Variants in SFXN5 observed in about 807,000 individuals in gnomAD.
SFXN5 encodes the protein sideroflexin 5.
In SFXN5, 43 loss-of-function variants were observed where a neutral mutation model predicts 50.2. The ratio of observed to expected loss-of-function variants is 0.86; its 90% confidence interval spans 0.67 to 1.11. SFXN5 has a LOEUF of 1.11. Among genes scored for constraint, SFXN5 ranks in the 50% least tolerant of loss-of-function variants. SFXN5 has a pLI of 0.00. For missense variants in SFXN5, 463 were observed against 454.1 expected, an observed-to-expected ratio of 1.02 and a Z score of -0.18; for synonymous variants, 203 against 185.8, an observed-to-expected ratio of 1.09 and a Z score of -0.75.
intron 5 of SFXN5, among the ~76,000 whole-genome samples, chr2:73,021,264 C>G (rs186612090): frequency 1.3e-5 from 2 of 152,144 alleles, no homozygotes; most frequent in Non-Finnish European, 2.9e-5. Flanking sequence ...AGGCGGATCA[C>G]TTGAGGTCAG....
Position 73,001,589 on chromosome 2 carries a change from GA to G in SFXN5, c.358-12del. The G allele has an allele frequency of 1.2e-6, 2 of 1,614,040 alleles. No homozygotes were observed. The highest frequency in any genetic ancestry group is 1.7e-6 in the Non-Finnish European group (2 of 1,179,932). On this transcript the variant is annotated splice_polypyrimidine_tract_variant and intron_variant, in intron 6 of 13. Transcript: ENST00000272433. ...GAGAAGACCGACTACCTATGAGCAA[GA>G]GAGAAGAAATGCTGAAAAAGGCAGA...
At chr2:72,991,735 T>A (rs922694987) in intron 9 of SFXN5, among the ~76,000 whole-genome samples, 2 of 152,248 alleles carry the variant, frequency 1.3e-5, no homozygotes, top group African/African-American at 4.8e-5. Flanking sequence ...AAGAGGCTGG[T>A]GGCTCTGAAT....
At chr2:72,969,697 CTTT>C (rs35747238) in intron 11 of SFXN5, among the ~76,000 whole-genome samples, 2 of 142,080 alleles carry the variant, frequency 1.4e-5, no homozygotes, top group Admixed American at 7.0e-5. Flanking sequence ...GCCCGGCCTA[CTTT>C]TTTTTTTTTT....
Position 73,023,171 on chromosome 2 carries a change from A to C in SFXN5, c.276+17T>G. 6.2e-7 allele frequency: 1 copy of C among 1,601,208 alleles called. No individual in the cohort carries two copies. Among genetic ancestry groups the C allele is most frequent in the Non-Finnish European group, 8.5e-7 (1 of 1,173,100 alleles). ...GACAACACGGAGAAGGAAATAGAGA[A>C]TCCAAAACTGGATTACCTGCTTGAT... On this transcript the variant is annotated intron_variant, in intron 4 of 13. Coordinates refer to ENST00000272433, the MANE Select transcript of SFXN5 (RefSeq NM_144579.3).
chr2:73,004,461 G>T (rs1215431197), intron 6 of SFXN5, among the ~76,000 whole-genome samples: 1 of 152,182 alleles, frequency 6.6e-6, no homozygotes, highest in African/African-American at 2.4e-5. Flanking sequence ...ATTTGGTTAT[G>T]TGTAAAGTTG....
At chr2:72,969,758 G>C (rs1316012657) in intron 11 of SFXN5, among the ~76,000 whole-genome samples, 1 of 150,406 alleles carries the variant, frequency 6.6e-6, no homozygotes, top group African/African-American at 2.5e-5. Context: ...TGTGTCTCTT[G>C]GCTCTGGATG....
chr2:73,005,132 A>G (rs1231510668), intron 6 of SFXN5, among the ~76,000 whole-genome samples: 2 of 152,188 alleles, frequency 1.3e-5, no homozygotes, highest in Non-Finnish European at 2.9e-5. Context: ...GGTACCAAGG[A>G]AAGTGGAAGG....
intron 6 of SFXN5, among the ~76,000 whole-genome samples, chr2:73,009,390 G>A (rs1222011396): frequency 6.6e-6 from 1 of 152,206 alleles, no homozygotes; most frequent in Admixed American, 6.5e-5. Context: ...GAGTGGTGAC[G>A]GACCATGTTG....
intron 10 of SFXN5, among the ~76,000 whole-genome samples, chr2:72,986,547 T>G (rs370524656): frequency 2.0e-5 from 3 of 152,244 alleles, no homozygotes; most frequent in South Asian, 4.1e-4. Context: ...CCTCATGCCC[T>G]GTGCTGGCCT....
chr2:72,945,107 G>A lies in SFXN5; in HGVS notation c.946-8C>T. 1 of 1,612,948 alleles carries A rather than the reference G, an allele frequency of 6.2e-7. No homozygotes were observed. Among genetic ancestry groups the A allele is most frequent in the East Asian group, 2.2e-5 (1 of 44,876 alleles). On this transcript the variant is annotated splice_region_variant and splice_polypyrimidine_tract_variant and intron_variant, in intron 13 of 13. Transcript: ENST00000272433. This position sits in a 1 kb window ranked among gnomAD's most constrained non-coding sequence, Gnocchi z 5.8. ...TAATTGGGATGTTTCAATCTGTGGAGAGAGAACAGAGAGGAAAAGTGGGGG... is the reference window on the plus strand; with the variant it reads ...TAATTGGGATGTTTCAATCTGTGGAAAGAGAACAGAGAGGAAAAGTGGGGG...
chr2:72,988,668 G>A (rs188548699), intron 9 of SFXN5, among the ~76,000 whole-genome samples: 432 of 152,188 alleles, frequency 2.8e-3, no homozygotes, highest in African/African-American at 0.01. Context: ...AGGAGAAAAG[G>A]GATAGGATGC....
intron 3 of SFXN5, among the ~76,000 whole-genome samples, chr2:73,030,644 C>T (rs1054546166): frequency 6.7e-6 from 1 of 148,840 alleles, no homozygotes; most frequent in Non-Finnish European, 1.5e-5. Context: ...ATGTGACCTC[C>T]CCATTCCTCC....
Position 72,967,518 on chromosome 2 carries a change from A to G in SFXN5, c.827+930T>C, listed in dbSNP as rs146985963. ...GACTGAGAGAGGACTGGGATACACAAGTGCTTAATAAATGTCGCTTGTTAT... is the reference window on the plus strand; with the variant it reads ...GACTGAGAGAGGACTGGGATACACAGGTGCTTAATAAATGTCGCTTGTTAT... On this transcript the variant is annotated intron_variant, in intron 12 of 13. Transcript: ENST00000272433. Among the ~76,000 whole-genome samples the G allele has an allele frequency of 7.9e-5, 12 of 152,288 alleles. No individual in the cohort carries two copies. In the East Asian group the frequency reaches 2.1e-3, roughly 27 times the overall value.
In SFXN5 at chr2:73,020,232, C is replaced by T. The variant is rs762140884; in HGVS notation, c.357+7G>A. 1.9e-6 allele frequency: 3 copies of T among 1,613,602 alleles called. No individual in the cohort carries two copies. Among genetic ancestry groups the T allele is most frequent in the Non-Finnish European group, 2.5e-6 (3 of 1,179,650 alleles). ...AGAAAAGGAAATCCTTTGAAGGTAA[C>T]ACTTACAATTGGCGTCCCAAAAGGA... On this transcript the variant is annotated splice_region_variant and intron_variant, in intron 6 of 13. Transcript: ENST00000272433.
Position 72,961,196 on chromosome 2 carries a change from C to A in SFXN5, c.880G>T (p.Val294Leu), listed in dbSNP as rs759147566. 2 of 1,562,638 alleles carry A rather than the reference C, an allele frequency of 1.3e-6. No individual in the cohort carries two copies. The highest frequency in any genetic ancestry group is 2.0e-5 in the Admixed American group (1 of 50,772). The change falls in exon 13 of 14, where the codon GTG becomes TTG. Residue 294 changes from valine to leucine, a missense_variant. Val to Leu is a conservative substitution (Grantham distance 32). Coordinates refer to ENST00000272433, the MANE Select transcript of SFXN5 (RefSeq NM_144579.3). This position sits in a 1 kb window ranked among gnomAD's most constrained non-coding sequence, Gnocchi z 4.4. ...PRLLLPVQSL[V>L]CLAAFGLALP... ...GCCAGGCCGAAGGCTGCCAGGCACA[C>A]GAGGCTTTGCACAGGGAGGAGCAGC...
intron 2 of SFXN5, among the ~76,000 whole-genome samples, chr2:73,046,593 CTCG>C (rs1208975751): frequency 6.6e-6 from 1 of 151,982 alleles, no homozygotes; most frequent in African/African-American, 2.4e-5. Context: ...GTGGGAGGAT[CTCG>C]AGCCTGGGAG....
chr2:73,050,420 A>ACACACACACACACACACC lies in SFXN5; in HGVS notation c.171+8107_171+8108insGGTGTGTGTGTGTGTGTG, dbSNP rs1553523879. Among the ~76,000 whole-genome samples the ACACACACACACACACACC allele has an allele frequency of 3.1e-3, 430 of 140,774 alleles. 4 individuals carry two copies. The highest frequency in any genetic ancestry group is 9.7e-3 in the African/African-American group (390 of 40,246). 92.4% of individuals were successfully genotyped at this position (140,774 alleles called of 152,430 possible). ...CACACACACACACACACACACACAC[A>ACACACACACACACACACC]CCCCTGCAGAGTTAGCACCACATGG... On this transcript the variant is annotated intron_variant, in intron 2 of 13. Coordinates refer to ENST00000272433, the MANE Select transcript of SFXN5 (RefSeq NM_144579.3).
intron 3 of SFXN5, among the ~76,000 whole-genome samples, chr2:73,024,359 A>C (rs1677288101): frequency 6.6e-6 from 1 of 152,160 alleles, no homozygotes; most frequent in South Asian, 2.1e-4. Context: ...GCAAATAAAA[A>C]TTTACACTGT....
intron 2 of SFXN5, among the ~76,000 whole-genome samples, chr2:73,043,595 T>C (rs927097484): frequency 2.6e-5 from 4 of 152,038 alleles, no homozygotes; most frequent in African/African-American, 9.7e-5. Context: ...AAAAGTACTG[T>C]CCCTCCCCTT....
Sources: allele counts gnomAD v4.1 joint callset (sites outside exome capture counted in the v4.1 genomes callset), GRCh38; gene constraint gnomAD v4.1.1; non-coding constraint Gnocchi (gnomAD v3.1); transcripts MANE v1.5; gene names NCBI Gene and HGNC (gene_info 2026-07-23, HGNC 2026-07-21).